BNC2: variants seen among roughly 807,000 people sequenced by gnomAD.
BNC2 encodes the protein zinc finger protein basonuclin-2.
BNC2 carries 20 observed loss-of-function variants against 76.3 expected under a neutral mutation model. The observed-to-expected ratio is 0.26, with a 90% CI of 0.18 to 0.38. The LOEUF (loss-of-function observed/expected upper bound fraction) is 0.38, where lower values mean the gene tolerates loss of function less well. BNC2 is among the 10% of genes least tolerant of loss of function. The pLI, the probability that BNC2 is intolerant of heterozygous loss-of-function variation, is 1.00. For missense variants in BNC2, 1,382 were observed against 1,399.8 expected (o/e 0.99, Z 0.20); for synonymous variants, 582 against 514.8 (o/e 1.13, Z -1.77).
chr9:16,590,515 C>T lies in BNC2; in HGVS notation c.331-7430G>A, dbSNP rs868196288. Among the ~76,000 whole-genome samples, 4 of 151,076 alleles carry T rather than the reference C, an allele frequency of 2.6e-5. 1 individual carries two copies. In the Middle Eastern group the frequency reaches 0.01, roughly 385 times the overall value. ...GCTTAAAAAAAGAAAATTTGTTCTT[C>T]AAAGACATTTCTATCCTAGCAGGGA... On this transcript the variant is annotated intron_variant, in intron 3 of 6. Transcript: ENST00000380672.
intron 3 of BNC2, among the ~76,000 whole-genome samples, chr9:16,608,836 A>G (rs1820456693): frequency 6.6e-6 from 1 of 152,238 alleles, no homozygotes; most frequent in Admixed American, 6.5e-5. Flanking sequence ...GAAATAGGCA[A>G]AAGTCAAACT....
intron 3 of BNC2, among the ~76,000 whole-genome samples, chr9:16,702,804 G>A (rs1162019863): frequency 6.6e-6 from 1 of 152,138 alleles, no homozygotes; most frequent in African/African-American, 2.4e-5. Flanking sequence ...CAATCTGTAA[G>A]CTAAATGTCC....
chr9:16,429,891 C>A (rs760284414), intron 6 of BNC2: 1 of 496,576 alleles, frequency 2.0e-6, no homozygotes, highest in Non-Finnish European at 4.0e-6. Flanking sequence ...TTGCATCCAG[C>A]TGGGCCAGCA....
chr9:16,605,264 T>G (rs983702071), intron 3 of BNC2, among the ~76,000 whole-genome samples: 2 of 152,244 alleles, frequency 1.3e-5, no homozygotes, highest in Non-Finnish European at 2.9e-5. Flanking sequence ...ATATATTATC[T>G]GCAAAGTTAA....
chr9:16,436,480 A>G lies in BNC2; in HGVS notation c.1714T>C (p.Phe572Leu). ...GLKTVQPVPPFYRSLLTPGEM... is the reference protein window; with the variant it reads ...GLKTVQPVPPLYRSLLTPGEM... ...CCTGGAGTGAGTAAACTTCTATAAA[A>G]TGGAGGAACTGGTTGTACAGTCTTT... Residue 572 changes from phenylalanine to leucine, a missense_variant, in exon 6 of 7, where the codon TTT (phenylalanine) becomes CTT (leucine). Physicochemically the swap from Phe to Leu is conservative, Grantham distance 22 (BLOSUM62 0). This residue lies in a region of BNC2 where 798 missense variants were observed against 775.5 expected (regional missense o/e 1.03). Coordinates refer to ENST00000380672, the MANE Select transcript of BNC2 (RefSeq NM_017637.6). 1 of 1,614,084 alleles carries G rather than the reference A, an allele frequency of 6.2e-7. No individual in the cohort carries two copies. The highest frequency in any genetic ancestry group is 8.5e-7 in the Non-Finnish European group (1 of 1,180,020).
chr9:16,475,040 C>T (rs1821900500), intron 5 of BNC2, among the ~76,000 whole-genome samples: 1 of 152,154 alleles, frequency 6.6e-6, no homozygotes, highest in African/African-American at 2.4e-5. Context: ...TATTAAAAGG[C>T]TTTTCCACAC....
chr9:16,655,089 A>G (rs1821890610), intron 3 of BNC2, among the ~76,000 whole-genome samples: 1 of 151,356 alleles, frequency 6.6e-6, no homozygotes, highest in African/African-American at 2.4e-5. Flanking sequence ...ACTCACATAC[A>G]CCTCTGCAGA....
At chr9:16,866,179 G>A (rs1819538898) in intron 1 of BNC2, among the ~76,000 whole-genome samples, 1 of 152,018 alleles carries the variant, frequency 6.6e-6, no homozygotes. Flanking sequence ...ATGGAAAGTG[G>A]TAAATATGAA....
chr9:16,760,495 G>C (rs989568991), intron 1 of BNC2, among the ~76,000 whole-genome samples: 2 of 152,088 alleles, frequency 1.3e-5, no homozygotes, highest in African/African-American at 4.8e-5. Flanking sequence ...TGCCTAAAAA[G>C]GCTCCTTAGG....
At chr9:16,768,844 T>C (rs1009105036) in intron 1 of BNC2, among the ~76,000 whole-genome samples, 2 of 152,186 alleles carry the variant, frequency 1.3e-5, no homozygotes, top group Non-Finnish European at 2.9e-5. Context: ...TAAGATCTTA[T>C]TAAATCAAGC....
intron 1 of BNC2, among the ~76,000 whole-genome samples, chr9:16,859,934 A>C (rs1819356086): frequency 6.6e-6 from 1 of 152,216 alleles, no homozygotes; most frequent in Non-Finnish European, 1.5e-5. Flanking sequence ...AGTCTGGCCA[A>C]CATGGTGAAA....
intron 3 of BNC2, among the ~76,000 whole-genome samples, chr9:16,673,660 T>A (rs895041245): frequency 6.6e-6 from 1 of 152,212 alleles, no homozygotes; most frequent in African/African-American, 2.4e-5. Flanking sequence ...ATAGATTAAA[T>A]AACAAGATAA....
intron 1 of BNC2, among the ~76,000 whole-genome samples, chr9:16,745,807 C>T (rs1824983531): frequency 6.6e-6 from 1 of 152,192 alleles, no homozygotes; most frequent in Non-Finnish European, 1.5e-5. Flanking sequence ...AAACCCATTA[C>T]ATGTGACTGT....
chr9:16,601,053 T>C (rs1162518065), intron 3 of BNC2, among the ~76,000 whole-genome samples: 1 of 152,150 alleles, frequency 6.6e-6, no homozygotes, highest in Admixed American at 6.6e-5. Context: ...AAAGGTGAGA[T>C]TTATCACGTG....
intron 5 of BNC2, among the ~76,000 whole-genome samples, chr9:16,459,310 T>G (rs991567148): frequency 7.2e-5 from 11 of 152,150 alleles, no homozygotes; most frequent in Non-Finnish European, 1.3e-4. Context: ...GAAACACAAC[T>G]GAGGGTGTAC....
intron 5 of BNC2, among the ~76,000 whole-genome samples, chr9:16,491,492 G>A (rs887456745): frequency 2.6e-5 from 4 of 152,202 alleles, no homozygotes; most frequent in African/African-American, 7.2e-5. Flanking sequence ...TACAGCACAC[G>A]CAGTATTCCT....
At chr9:16,753,584 C>G (rs938318837) in intron 1 of BNC2, among the ~76,000 whole-genome samples, 1 of 152,144 alleles carries the variant, frequency 6.6e-6, no homozygotes, top group Non-Finnish European at 1.5e-5. Flanking sequence ...AAGGGGTAAA[C>G]AGACTCAAGT....
intron 4 of BNC2, among the ~76,000 whole-genome samples, chr9:16,553,141 C>T (rs1300718938): frequency 6.6e-6 from 1 of 152,116 alleles, no homozygotes; most frequent in Non-Finnish European, 1.5e-5. Context: ...GTCCCCTACC[C>T]CCCACCAAAA....
chr9:16,853,620 A>G (rs956207786), intron 1 of BNC2, among the ~76,000 whole-genome samples: 1 of 151,906 alleles, frequency 6.6e-6, no homozygotes, highest in Non-Finnish European at 1.5e-5. Context: ...CAATCCCACC[A>G]CTTTAGGAGG....
Sources: allele counts gnomAD v4.1 joint callset (sites outside exome capture counted in the v4.1 genomes callset), GRCh38; gene constraint gnomAD v4.1.1; regional missense constraint gnomAD v4.1.1; transcripts MANE v1.5; gene names NCBI Gene and HGNC (gene_info 2026-07-23, HGNC 2026-07-21).